The following MMD2 variants were observed in gnomAD, a reference collection of about 807,000 sequenced individuals.
The protein encoded by MMD2 is monocyte to macrophage differentiation factor 2.
A neutral mutation model predicts 33.5 loss-of-function variants in MMD2; 30 were observed. The observed-to-expected ratio is 0.90, with a 90% CI of 0.67 to 1.22. The LOEUF is 1.22. MMD2 is among the 50% of genes most tolerant of loss of function. The pLI is 0.00. For synonymous variants in MMD2, 129 were observed against 123.0 expected (o/e 1.05, Z -0.32); for missense variants, 364 against 325.4 (o/e 1.12, Z -0.91).
chr7:4,926,252 C>T (rs1785424136), intron 1 of MMD2, among the ~76,000 whole-genome samples: 1 of 152,138 alleles, frequency 6.6e-6, no homozygotes, highest in Non-Finnish European at 1.5e-5. Context: ...CACAATCTAC[C>T]ATGCCCGGCT....
chr7:4,913,651 G>A (rs988151957), intron 4 of MMD2, among the ~76,000 whole-genome samples: 3 of 147,572 alleles, frequency 2.0e-5, no homozygotes, highest in African/African-American at 7.6e-5. Context: ...CCGGGAGGCA[G>A]GGTTTGCACT....
the MMD2 span, among the ~76,000 whole-genome samples, chr7:4,899,174 C>T: frequency 2.6e-5 from 4 of 152,124 alleles, no homozygotes; most frequent in African/African-American, 7.2e-5. Context: ...TCACCAGACA[C>T]TGAACTTGCC....
chr7:4,919,084 G>A (rs1785210713), intron 3 of MMD2, among the ~76,000 whole-genome samples: 1 of 150,086 alleles, frequency 6.7e-6, no homozygotes, highest in South Asian at 2.1e-4. Flanking sequence ...GGGTGACAGA[G>A]TGAGACCCCA....
Position 4,940,521 on chromosome 7 carries a change from A to T in MMD2, c.48-14989T>A, listed in dbSNP as rs987977017. ...GTCTGTCCCACAGAGGCAAGGGACC[A>T]CGCAGGGCCAAGTTGGCCCCGGCCG... is the stretch of plus-strand genomic sequence containing the variant. On this transcript the variant is annotated intron_variant, in intron 1 of 6. Coordinates refer to ENST00000401401, the MANE Select transcript of MMD2 (RefSeq NM_198403.4). The surrounding 1 kb of genome is among the most constrained non-coding windows in gnomAD (Gnocchi z 5.0). Among the ~76,000 whole-genome samples, 1 of 152,216 alleles carries T rather than the reference A, an allele frequency of 6.6e-6. No homozygotes were observed. The highest frequency in any genetic ancestry group is 2.4e-5 in the African/African-American group (1 of 41,470).
At chr7:4,954,441 G>A (rs1421109265) in intron 1 of MMD2, among the ~76,000 whole-genome samples, 3 of 150,264 alleles carry the variant, frequency 2.0e-5, no homozygotes, top group Non-Finnish European at 4.4e-5. Context: ...TTTTTGAGAC[G>A]GGGTCTCCCT....
At chr7:4,942,959 AC>A (rs1311578633) in intron 1 of MMD2, among the ~76,000 whole-genome samples, 1 of 135,818 alleles carries the variant, frequency 7.4e-6, no homozygotes, top group African/African-American at 2.8e-5. Context: ...CCAGCCAGTG[AC>A]CCCTTAGATA....
chr7:4,928,462 T>C (rs1368227119), intron 1 of MMD2, among the ~76,000 whole-genome samples: 1 of 151,560 alleles, frequency 6.6e-6, no homozygotes, highest in Non-Finnish European at 1.5e-5. Flanking sequence ...ACCTCCTGTA[T>C]GCTGGATCCA....
Position 4,907,055 on chromosome 7 carries a change from T to C in MMD2, c.*341A>G. The C allele has an allele frequency of 3.2e-6, 1 of 317,106 alleles. No homozygotes were observed. Among genetic ancestry groups the C allele is most frequent in the Non-Finnish European group, 5.9e-6 (1 of 169,126 alleles). The allele number at this position is 317,106 out of a possible 1,614,324, so 19.6% of individuals were successfully genotyped here. On this transcript the variant is annotated 3_prime_UTR_variant, in exon 7 of 7. Coordinates refer to ENST00000401401, the MANE Select transcript of MMD2 (RefSeq NM_198403.4). ...CCCACAGGACTCTTTGCCAGATTCT[T>C]CAGGACCTTAGGAAACACAGATTGG... is the stretch of plus-strand genomic sequence containing the variant.
chr7:4,909,307 C>A (rs1331986638), intron 6 of MMD2, among the ~76,000 whole-genome samples: 1 of 151,724 alleles, frequency 6.6e-6, no homozygotes, highest in Non-Finnish European at 1.5e-5. Context: ...CATAGTGAGA[C>A]CCCATCTCTA....
chr7:4,911,861 T>C (rs911320817), intron 4 of MMD2, among the ~76,000 whole-genome samples: 1 of 152,070 alleles, frequency 6.6e-6, no homozygotes, highest in Non-Finnish European at 1.5e-5. Flanking sequence ...TTGGCCAAGC[T>C]GGTCGCGAAC....
the MMD2 span, among the ~76,000 whole-genome samples, chr7:4,898,432 C>T: frequency 6.6e-6 from 1 of 152,132 alleles, no homozygotes; most frequent in Non-Finnish European, 1.5e-5. Flanking sequence ...ACTCATGGGT[C>T]ATAACATCAT....
At chr7:4,910,169 C>G (rs1372492246) in intron 5 of MMD2, 1 of 961,240 alleles carries the variant, frequency 1.0e-6, no homozygotes, top group African/African-American at 1.6e-5. Context: ...CCCTGAGACT[C>G]ACTTTCCACA....
intron 1 of MMD2, among the ~76,000 whole-genome samples, chr7:4,935,357 A>G (rs1236990306): frequency 6.6e-6 from 1 of 151,754 alleles, no homozygotes; most frequent in East Asian, 1.9e-4. Flanking sequence ...GTCTCAAAAA[A>G]TAATAAAATA....
the MMD2 span, among the ~76,000 whole-genome samples, chr7:4,899,034 C>G: frequency 4.3e-4 from 65 of 151,732 alleles, no homozygotes; most frequent in Non-Finnish European, 9.0e-4. Flanking sequence ...GTGATTAGGT[C>G]AGGGAGGCTG....
At chr7:4,896,347 G>A in the MMD2 span, among the ~76,000 whole-genome samples, 1 of 152,202 alleles carries the variant, frequency 6.6e-6, no homozygotes, top group Non-Finnish European at 1.5e-5. Context: ...GGGCATGGCA[G>A]TGTATGCCTG....
chr7:4,902,234 G>C (rs1045525270), downstream of MMD2, among the ~76,000 whole-genome samples: 5 of 152,180 alleles, frequency 3.3e-5, no homozygotes, highest in Admixed American at 2.6e-4. Context: ...TTACAGGCGA[G>C]AGCCACCACG....
rs936347911 is a variant in MMD2 at position 4,935,351 on chromosome 7, C to CA, written c.48-9820dup. On this transcript the variant is annotated intron_variant, in intron 1 of 6. Coordinates refer to ENST00000401401, the MANE Select transcript of MMD2 (RefSeq NM_198403.4). The stretch of plus-strand genomic sequence containing the variant: ...TGGGCCACAGAGTGAGACCCTGTCT[C>CA]AAAAAATAATAAAATACTGACGACT... Among the ~76,000 whole-genome samples, 45 of 151,724 alleles carry CA rather than the reference C, an allele frequency of 3.0e-4. 1 individual carries two copies. The highest frequency in any genetic ancestry group is 5.9e-5 in the Non-Finnish European group (4 of 67,900).
intron 6 of MMD2, 68 bp from the exon 7 acceptor site, chr7:4,907,667 G>T: frequency 6.5e-7 from 1 of 1,534,182 alleles, no homozygotes; most frequent in Non-Finnish European, 9.0e-7. Context: ...GCACCAGCCA[G>T]TCCCCACCAC....
intron 4 of MMD2, among the ~76,000 whole-genome samples, chr7:4,912,870 AT>A (rs1432986474): frequency 6.6e-6 from 1 of 151,780 alleles, no homozygotes; most frequent in Non-Finnish European, 1.5e-5. Flanking sequence ...TGCCTGGCTA[AT>A]TTTTGTATTT....
Sources: allele counts gnomAD v4.1 joint callset (sites outside exome capture counted in the v4.1 genomes callset), GRCh38; gene constraint gnomAD v4.1.1; non-coding constraint Gnocchi (gnomAD v3.1); transcripts MANE v1.5; gene names NCBI Gene and HGNC (gene_info 2026-07-23, HGNC 2026-07-21).